The following EXT2 variants were observed in gnomAD, a reference collection of about 807,000 sequenced individuals.
EXT2 encodes the protein exostosin-2.
In EXT2, 53 loss-of-function variants were observed where a neutral mutation model predicts 81.6. That is an observed-to-expected ratio of 0.65 (90% CI 0.52 to 0.82). The LOEUF (loss-of-function observed/expected upper bound fraction) is 0.82, where lower values mean the gene tolerates loss of function less well. Ranked by LOEUF, EXT2 falls within the 40% of genes least tolerant of loss-of-function variation. The probability of loss-of-function intolerance (pLI) is 0.00; values close to 1 mark genes in which losing one functional copy is unlikely to be tolerated. For synonymous variants in EXT2, 320 were observed against 340.0 expected (o/e 0.94, Z 0.65); for missense variants, 774 against 910.2 (o/e 0.85, Z 1.93).
rs748204385 is a variant in EXT2, at chr11:44,124,924, C to T, written c.879C>T (p.Val293=). 3.7e-6 allele frequency: 6 copies of T among 1,614,014 alleles called. No individual in the cohort carries two copies. Among genetic ancestry groups the T allele is most frequent in the South Asian group, 1.1e-5 (1 of 91,068 alleles). Residue 293 remains valine, a synonymous_variant, in exon 5 of 14, where the codon GTC becomes GTT. Transcript: ENST00000533608. ...AATGCACCAACCTCTCAGAGGGTGT[C>T]CTTTCTGTCCGTAAGCGCTGCCACA... ...LDKCTNLSEG[V]LSVRKRCHKH...
Position 44,183,624 on chromosome 11 carries a change from G to A in EXT2, c.1305+11882G>A, listed in dbSNP as rs536041462. Among the ~76,000 whole-genome samples the A allele has an allele frequency of 6.7e-5, 10 of 149,262 alleles. No individual in the cohort carries two copies. In the South Asian group the frequency reaches 2.1e-3, roughly 32 times the overall value. ...ATGTCTCTCAGCTTTGTTTTGTTTC[G>A]TTCATCAGGTTTTCCACATTTTTCT... On this transcript the variant is annotated intron_variant, in intron 8 of 13. Transcript: ENST00000533608.
intron 7 of EXT2, among the ~76,000 whole-genome samples, chr11:44,134,448 A>G (rs1025399010): frequency 2.0e-5 from 3 of 152,184 alleles, no homozygotes; most frequent in African/African-American, 4.8e-5. Flanking sequence ...GAAGGGAGAA[A>G]GTTGGGGCTA....
chr11:44,248,972 G>T lies in EXT2; in HGVS notation c.*4685G>T, dbSNP rs60270180. 0.063 allele frequency among the ~76,000 whole-genome samples: 9,412 copies of T among 149,268 alleles called. 352 individuals are homozygous for T. Among genetic ancestry groups the T allele is most frequent in the African/African-American group, 0.097 (3,808 of 39,266 alleles). On this transcript the variant is annotated 3_prime_UTR_variant, in exon 14 of 14. Coordinates refer to ENST00000533608, the MANE Select transcript of EXT2 (RefSeq NM_207122.2). ...AACCATTTCAGGGTAGAGTTTTTTTGTTTGTTTGTTTGTTTGTTTTTGTTT... is the reference window on the plus strand; with the variant it reads ...AACCATTTCAGGGTAGAGTTTTTTTTTTTGTTTGTTTGTTTGTTTTTGTTT...
At chr11:44,153,486 C>T (rs1318660255) in intron 7 of EXT2, among the ~76,000 whole-genome samples, 1 of 151,646 alleles carries the variant, frequency 6.6e-6, no homozygotes, top group Non-Finnish European at 1.5e-5. Context: ...TTCTTTTTTC[C>T]CAATATATAT....
In EXT2 at chr11:44,114,226, G is replaced by T. The variant is rs764379119; in HGVS notation, c.668G>T (p.Arg223Leu). ...AGGGFSTWTY[R>L]QGYDVSIPVY... The stretch of plus-strand genomic sequence containing the variant: ...GGCGGCTTTTCTACGTGGACTTACC[G>T]GCAAGGCTACGATGTCAGCATTCCT... Residue 223 changes from arginine (R) to leucine (L), a missense_variant, in exon 4 of 14, where the codon CGG becomes CTG. Transcript: ENST00000533608. 1.2e-6 allele frequency: 2 copies of T among 1,614,044 alleles called. No homozygotes were observed. The highest frequency in any genetic ancestry group is 1.7e-6 in the Non-Finnish European group (2 of 1,179,978).
At chr11:44,174,536 CTGGTTACCATT>C (rs1404446759) in intron 8 of EXT2, among the ~76,000 whole-genome samples, 1 of 151,902 alleles carries the variant, frequency 6.6e-6, no homozygotes, top group Non-Finnish European at 1.5e-5. Context: ...TAGTTCTTAA[CTGGTTACCATT>C]TGTGTACAGA....
At chr11:44,201,222 C>G (rs1012869299) in intron 9 of EXT2, among the ~76,000 whole-genome samples, 5 of 152,152 alleles carry the variant, frequency 3.3e-5, no homozygotes, top group Admixed American at 2.0e-4. Flanking sequence ...GAAGTTGGGC[C>G]TGAAGATTTC....
At chr11:44,174,440 A>G (rs1423766196) in intron 8 of EXT2, among the ~76,000 whole-genome samples, 2 of 151,624 alleles carry the variant, frequency 1.3e-5, no homozygotes, top group Non-Finnish European at 2.9e-5. Flanking sequence ...GTGTACATAT[A>G]TATATTCCTT....
chr11:44,215,756 C>T (rs1955710104), intron 10 of EXT2, among the ~76,000 whole-genome samples: 1 of 152,008 alleles, frequency 6.6e-6, no homozygotes, highest in African/African-American at 2.4e-5. Flanking sequence ...GGTTTAAATA[C>T]AGTATTTACT....
At chr11:44,198,399 A>C (rs988150557) in intron 9 of EXT2, among the ~76,000 whole-genome samples, 1 of 151,014 alleles carries the variant, frequency 6.6e-6, no homozygotes, top group Non-Finnish European at 1.5e-5. Context: ...AAAAAAAGGG[A>C]TGGCCTCACT....
chr11:44,154,956 A>AT (rs906671341), intron 7 of EXT2, among the ~76,000 whole-genome samples: 289 of 149,930 alleles, frequency 1.9e-3, no homozygotes, highest in African/African-American at 5.9e-3. Context: ...TTTAAATTAG[A>AT]TTTTTTTTTT....
chr11:44,152,684 A>G (rs895670601), intron 7 of EXT2, among the ~76,000 whole-genome samples: 2 of 152,196 alleles, frequency 1.3e-5, no homozygotes, highest in Admixed American at 1.3e-4. Flanking sequence ...TATTTAGGTC[A>G]GTGATCCATT....
chr11:44,178,771 C>T (rs1056726840), intron 8 of EXT2, among the ~76,000 whole-genome samples: 1 of 151,160 alleles, frequency 6.6e-6, no homozygotes, highest in African/African-American at 2.4e-5. Flanking sequence ...CTTATTCTCT[C>T]CATCTTCCTC....
intron 3 of EXT2, 87 bp from the exon 4 acceptor site, chr11:44,114,094 TAAAG>T: frequency 8.7e-7 from 1 of 1,153,804 alleles, no homozygotes; most frequent in Non-Finnish European, 1.3e-6. Context: ...GTTTTGATAA[TAAAG>T]ACTCAGTAAT....
intron 7 of EXT2, among the ~76,000 whole-genome samples, chr11:44,140,570 T>C (rs1954632305): frequency 6.6e-6 from 1 of 152,214 alleles, no homozygotes; most frequent in Non-Finnish European, 1.5e-5. Flanking sequence ...AGTGGTTTGA[T>C]GGGAGCTTCA....
chr11:44,121,725 C>G (rs1225230604), intron 4 of EXT2, among the ~76,000 whole-genome samples: 1 of 151,928 alleles, frequency 6.6e-6, no homozygotes, highest in Non-Finnish European at 1.5e-5. Context: ...CTATCATTAC[C>G]ATCATTCTCC....
chr11:44,144,137 A>C (rs767041676), intron 7 of EXT2: 26 of 910,504 alleles, frequency 2.9e-5, no homozygotes, highest in Non-Finnish European at 4.4e-5. Flanking sequence ...GCAAACATGG[A>C]AAATCTCGCC....
intron 10 of EXT2, among the ~76,000 whole-genome samples, chr11:44,227,831 G>A (rs1450909002): frequency 6.6e-6 from 1 of 152,188 alleles, no homozygotes; most frequent in Non-Finnish European, 1.5e-5. Flanking sequence ...CTCCTTGGGA[G>A]AAGTCTCCTT....
intron 7 of EXT2, among the ~76,000 whole-genome samples, chr11:44,163,502 G>A (rs1954953955): frequency 1.3e-5 from 2 of 152,222 alleles, no homozygotes; most frequent in Non-Finnish European, 2.9e-5. Context: ...AGTTGGGAAT[G>A]CTCGTTGCTA....
Sources: gnomAD v4.1 joint callset for allele counts (sites outside exome capture counted in the v4.1 genomes callset) on GRCh38, gnomAD v4.1.1 for gene constraint, MANE v1.5 for transcripts, NCBI Gene and HGNC (gene_info 2026-07-23, HGNC 2026-07-21) for gene names.